Variants in SCML4 observed in about 807,000 individuals in gnomAD.
The protein encoded by SCML4 is Scm polycomb group protein like 4.
A neutral mutation model predicts 41.1 loss-of-function variants in SCML4; 34 were observed. That is an observed-to-expected ratio of 0.83 (90% CI 0.63 to 1.10). The LOEUF is 1.10. Ranked by LOEUF, SCML4 falls within the 50% of genes least tolerant of loss-of-function variation. The pLI is 0.00. For synonymous variants in SCML4, 214 were observed against 220.9 expected (o/e 0.97, Z 0.28); for missense variants, 522 against 534.1 (o/e 0.98, Z 0.22).
At chr6:107,791,329 G>A (rs1300862594) in intron 1 of SCML4, among the ~76,000 whole-genome samples, 1 of 152,162 alleles carries the variant, frequency 6.6e-6, no homozygotes, top group East Asian at 1.9e-4. Flanking sequence ...TTGGTCTGCA[G>A]GAGGGGTAGA....
At chr6:107,802,886 G>T (rs1273303928) in intron 1 of SCML4, among the ~76,000 whole-genome samples, 1 of 152,006 alleles carries the variant, frequency 6.6e-6, no homozygotes, top group Non-Finnish European at 1.5e-5. Context: ...TGCGATTGCA[G>T]TCGCGCGCCG....
chr6:107,806,491 A>T (rs564797151), intron 1 of SCML4, among the ~76,000 whole-genome samples: 1 of 152,140 alleles, frequency 6.6e-6, no homozygotes, highest in African/African-American at 2.4e-5. Context: ...CTCCACTGAC[A>T]TGTTGAGATC....
In SCML4 at chr6:107,756,214, A is replaced by C. The variant is rs150580567; in HGVS notation, c.157-6401T>G. On this transcript the variant is annotated intron_variant, in intron 2 of 7. Coordinates refer to ENST00000369020, the MANE Select transcript of SCML4 (RefSeq NM_198081.5). ...AGAGTACAGTAAGGAAATGAAGGGG[A>C]AATATAACTTTACAATGGAGAAACC... Among the ~76,000 whole-genome samples the C allele has an allele frequency of 1.7e-3, 266 of 152,236 alleles. 1 individual carries two copies. Among genetic ancestry groups the C allele is most frequent in the African/African-American group, 6.0e-3 (249 of 41,544 alleles).
chr6:107,762,324 A>T (rs1258395309), intron 2 of SCML4, among the ~76,000 whole-genome samples: 1 of 152,198 alleles, frequency 6.6e-6, no homozygotes, highest in South Asian at 2.1e-4. Flanking sequence ...GACAGGTAAA[A>T]GGAATATATA....
chr6:107,763,550 C>G (rs1408544822), intron 2 of SCML4, among the ~76,000 whole-genome samples: 1 of 152,128 alleles, frequency 6.6e-6, no homozygotes, highest in Non-Finnish European at 1.5e-5. Context: ...CCACACCCAG[C>G]TAATTTTTGT....
At chr6:107,799,705 T>C (rs1407356077) in intron 1 of SCML4, among the ~76,000 whole-genome samples, 5 of 152,144 alleles carry the variant, frequency 3.3e-5, no homozygotes, top group Admixed American at 2.0e-4. Context: ...AAATCATTGC[T>C]TTCTTTCTTG....
At chr6:107,818,352 CCA>C (rs1784701170) in intron 1 of SCML4, among the ~76,000 whole-genome samples, 1 of 152,170 alleles carries the variant, frequency 6.6e-6, no homozygotes. Context: ...CAACAAATGA[CCA>C]CAGATTCCTC....
intron 5 of SCML4, among the ~76,000 whole-genome samples, chr6:107,730,114 T>G (rs1776393283): frequency 6.6e-6 from 1 of 152,240 alleles, no homozygotes; most frequent in African/African-American, 2.4e-5. Context: ...CTTAAGAATT[T>G]AATTGAACTG....
At chr6:107,717,237 A>G (rs1774925082) in intron 6 of SCML4, among the ~76,000 whole-genome samples, 2 of 145,950 alleles carry the variant, frequency 1.4e-5, no homozygotes, top group Admixed American at 6.9e-5. Flanking sequence ...GGAGAATGGC[A>G]TGAACCCAAG....
intron 5 of SCML4, among the ~76,000 whole-genome samples, chr6:107,725,347 AAAAT>A (rs1775858273): frequency 6.6e-6 from 1 of 152,200 alleles, no homozygotes; most frequent in East Asian, 1.9e-4. Context: ...ATTTTTTAAA[AAAAT>A]AAATAAATAA....
At chr6:107,810,440 G>C (rs1315032299) in intron 1 of SCML4, among the ~76,000 whole-genome samples, 1 of 152,142 alleles carries the variant, frequency 6.6e-6, no homozygotes, top group African/African-American at 2.4e-5. Context: ...GCAGAGAGGG[G>C]CGTTGAGTGG....
the SCML4 span, among the ~76,000 whole-genome samples, chr6:107,833,980 T>A: frequency 6.6e-6 from 1 of 152,084 alleles, no homozygotes; most frequent in African/African-American, 2.4e-5. Context: ...ATATGAGGTG[T>A]CATAATAAGG....
chr6:107,722,289 G>C (rs934904389), intron 5 of SCML4, among the ~76,000 whole-genome samples: 1 of 151,976 alleles, frequency 6.6e-6, no homozygotes, highest in African/African-American at 2.4e-5. Context: ...TGAGCCTGTT[G>C]AACTCCCTGT....
intron 2 of SCML4, among the ~76,000 whole-genome samples, chr6:107,763,847 AC>A (rs1779820695): frequency 6.6e-6 from 1 of 152,154 alleles, no homozygotes; most frequent in Non-Finnish European, 1.5e-5. Context: ...CAGAACGATG[AC>A]AAAATTAATT....
In SCML4 at chr6:107,722,108, G is replaced by C. The variant is rs569307725; in HGVS notation, c.683-1115C>G. On this transcript the variant is annotated intron_variant, in intron 5 of 7. Transcript: ENST00000369020. ...TGGTTGAAGCGATTCTCTTGCCTCAGACTCCCGAGTAGCTGGAAGCACCAT... is the reference window on the plus strand; with the variant it reads ...TGGTTGAAGCGATTCTCTTGCCTCACACTCCCGAGTAGCTGGAAGCACCAT... Among the ~76,000 whole-genome samples the C allele has an allele frequency of 4.0e-5, 6 of 151,234 alleles. No homozygotes were observed. In the South Asian group the frequency reaches 1.2e-3, roughly 31 times the overall value.
intron 1 of SCML4, among the ~76,000 whole-genome samples, chr6:107,802,645 T>G (rs1783260833): frequency 2.1e-5 from 2 of 94,436 alleles, no homozygotes; most frequent in Non-Finnish European, 2.3e-5. Flanking sequence ...GAAAGAAAAT[T>G]GGAAAGGCTC....
At chr6:107,772,498 G>A in intron 1 of SCML4, 112 bp from the exon 2 acceptor site, 1 of 576,052 alleles carries the variant, frequency 1.7e-6, no homozygotes, top group Non-Finnish European at 3.0e-6. Context: ...CTTATTGGAG[G>A]GGAAGACCAA....
At chr6:107,714,402 C>T (rs1192641187) in intron 6 of SCML4, among the ~76,000 whole-genome samples, 2 of 152,182 alleles carry the variant, frequency 1.3e-5, no homozygotes, top group Non-Finnish European at 2.9e-5. Flanking sequence ...CTCCACTGCC[C>T]CTTCTCTGGG....
At position 107,720,812 on chromosome 6, in the gene SCML4, AC is replaced by A; in HGVS notation, c.863del (p.Gly288ValfsTer18). On this transcript the variant is annotated frameshift_variant, in exon 6 of 8. Transcript: ENST00000369020. LOFTEE classifies it high-confidence loss of function. ...HLGGGPAATA[G>X]GPRTSPMSSG... is the part of the protein sequence containing the mutation. ...AAGACATGGGGCTAGTGCGGGGACC[AC>A]CAGCGGTGGCAGCAGGACCACCCCC... 1 of 1,614,116 alleles carries A rather than the reference AC, an allele frequency of 6.2e-7. No homozygotes were observed.
Sources: gnomAD v4.1 joint callset for allele counts (sites outside exome capture counted in the v4.1 genomes callset) on GRCh38, gnomAD v4.1.1 for gene constraint, MANE v1.5 for transcripts, NCBI Gene and HGNC (gene_info 2026-07-23, HGNC 2026-07-21) for gene names.